Variants in NEK1 observed in about 807,000 individuals in gnomAD.
NEK1 encodes NIMA related kinase 1.
Under a neutral mutation model 182.1 loss-of-function variants are expected in NEK1, and 137 were observed. The observed-to-expected ratio is 0.75, with a 90% CI of 0.65 to 0.87. The LOEUF is 0.87. Ranked by LOEUF, NEK1 falls within the 40% of genes least tolerant of loss-of-function variation. The pLI is 0.00. For missense variants in NEK1, 1,391 were observed against 1,494.4 expected, an observed-to-expected ratio of 0.93 and a Z score of 1.14; for synonymous variants, 513 against 492.2, an observed-to-expected ratio of 1.04 and a Z score of -0.56.
intron 23 of NEK1, among the ~76,000 whole-genome samples, chr4:169,491,393 C>T (rs1297703920): frequency 1.3e-5 from 2 of 151,954 alleles, no homozygotes; most frequent in African/African-American, 2.4e-5. Flanking sequence ...ACAAGGGGCT[C>T]GCCATTAGAC....
At chr4:169,538,782 G>A in intron 18 of NEK1, among the ~76,000 whole-genome samples, 1 of 152,000 alleles carries the variant, frequency 6.6e-6, no homozygotes, top group South Asian at 2.1e-4. Context: ...GACTTTCTTT[G>A]GGACCATAAC....
chr4:169,602,441 A>C (rs1327978422), intron 3 of NEK1, 73 bp downstream of exon 3: 95 of 846,838 alleles, frequency 1.1e-4, no homozygotes, highest in South Asian at 8.9e-4. Context: ...TTTTTTTTTA[A>C]AGAAAATCTC....
chr4:169,587,166 T>C (rs972795191), intron 9 of NEK1, among the ~76,000 whole-genome samples: 7 of 151,976 alleles, frequency 4.6e-5, no homozygotes, highest in African/African-American at 1.4e-4. Flanking sequence ...TCAGTGAGTA[T>C]ATGGAATGAA....
chr4:169,606,117 A>C (rs1771298361), intron 2 of NEK1, among the ~76,000 whole-genome samples: 1 of 151,898 alleles, frequency 6.6e-6, no homozygotes, highest in Admixed American at 6.6e-5. Flanking sequence ...AACACTGTTT[A>C]GAATTGTACT....
intron 19 of NEK1, among the ~76,000 whole-genome samples, chr4:169,531,574 C>T (rs11936957): frequency 0.28 from 42,907 of 151,580 alleles, 8,632 homozygotes; most frequent in African/African-American, 0.58. Context: ...CTTTCTTAAG[C>T]AGATAAGTGA....
intron 12 of NEK1, among the ~76,000 whole-genome samples, chr4:169,570,564 G>GC (rs1764624667): frequency 6.7e-6 from 1 of 149,184 alleles, no homozygotes; most frequent in South Asian, 2.1e-4. Flanking sequence ...GGGGGGGTCA[G>GC]CCCCCCGCCC....
In NEK1 at chr4:169,394,363, C is replaced by A; in HGVS notation, c.*147G>T. On this transcript the variant is annotated 3_prime_UTR_variant, in exon 36 of 36. Coordinates refer to ENST00000507142, the MANE Select transcript of NEK1 (RefSeq NM_001199397.3). Reference sequence around the variant, plus strand: ...ATCTTCACTGAAAAATGGCATGTTTCTCCATCTTTTTCATGCAATAAGAAA... The same window carrying A: ...ATCTTCACTGAAAAATGGCATGTTTATCCATCTTTTTCATGCAATAAGAAA... The A allele has an allele frequency of 7.4e-6, 4 of 538,850 alleles. No individual in the cohort carries two copies. Among genetic ancestry groups the A allele is most frequent in the Non-Finnish European group, 1.0e-5 (3 of 300,424 alleles). 33.4% of individuals were successfully genotyped at this position (538,850 alleles called of 1,614,324 possible).
chr4:169,527,911 T>TA (rs1561352567), intron 19 of NEK1, among the ~76,000 whole-genome samples: 1 of 151,742 alleles, frequency 6.6e-6, no homozygotes, highest in South Asian at 2.1e-4. Context: ...TAAAAACACA[T>TA]AAAAAAACTA....
intron 23 of NEK1, among the ~76,000 whole-genome samples, chr4:169,486,696 A>AT: frequency 6.6e-6 from 1 of 152,264 alleles, no homozygotes; most frequent in Non-Finnish European, 1.5e-5. Flanking sequence ...TAATGCTTTT[A>AT]TAAGAATATC....
At chr4:169,494,346 G>A (rs1750728198) in intron 23 of NEK1, among the ~76,000 whole-genome samples, 1 of 152,112 alleles carries the variant, frequency 6.6e-6, no homozygotes, top group Non-Finnish European at 1.5e-5. Flanking sequence ...AGAACATGCA[G>A]TGTTTGGTTT....
intron 19 of NEK1, 150 bp downstream of exon 19, chr4:169,537,659 A>T: frequency 1.6e-6 from 1 of 634,572 alleles, no homozygotes; most frequent in Non-Finnish European, 2.8e-6. Context: ...ACAATTTTAT[A>T]CTCTGCAAAT....
intron 18 of NEK1, 131 bp from the exon 19 acceptor site, chr4:169,538,042 A>C: frequency 1.7e-6 from 1 of 588,944 alleles, no homozygotes; most frequent in Non-Finnish European, 3.0e-6. Context: ...CTCTGTAATG[A>C]AGAAATCACT....
chr4:169,529,101 T>C (rs772244369), intron 19 of NEK1, among the ~76,000 whole-genome samples: 9 of 152,138 alleles, frequency 5.9e-5, no homozygotes, highest in Non-Finnish European at 8.8e-5. Context: ...ATAGAAAATT[T>C]GTAGAATATG....
chr4:169,401,665 T>G lies in NEK1; in HGVS notation c.3570A>C (p.Glu1190Asp), dbSNP rs1731712506. The change falls in exon 33 of 36, where the codon GAA becomes GAC. Residue 1190 changes from glutamate (E) to aspartate (D), a missense_variant. Coordinates refer to ENST00000507142, the MANE Select transcript of NEK1 (RefSeq NM_001199397.3). ...DNPSSESALN[E>D]EWHSDNSDGE... The stretch of plus-strand genomic sequence containing the variant: ...CTGATCATGCACCTGAGTGCCATTC[T>G]TCGTTCAGGGCACTTTCACTGCTGG... 1 of 1,613,596 alleles carries G rather than the reference T, an allele frequency of 6.2e-7. No individual in the cohort carries two copies. The highest frequency in any genetic ancestry group is 8.5e-7 in the Non-Finnish European group (1 of 1,179,688).
rs529024280 is a variant in NEK1, at chr4:169,507,119, G to C, written c.1925C>G (p.Ala642Gly). 3.1e-5 allele frequency: 49 copies of C among 1,595,092 alleles called. No homozygotes were observed. The Admixed American group carries it at 5.8e-4, about 19-fold the overall frequency. The change falls in exon 23 of 36, where the codon GCA becomes GGA. Residue 642 changes from alanine to glycine, a missense_variant. Coordinates refer to ENST00000507142, the MANE Select transcript of NEK1 (RefSeq NM_001199397.3). The stretch of plus-strand genomic sequence containing the variant: ...TTGTTCTTTTAGTACAGCAGCACGT[G>C]CATTTGCATGGGCCTAAAAATAAAA... ...KIESLKAHAN[A>G]RAAVLKEQLE...
At chr4:169,602,439 T>TTTA in intron 3 of NEK1, 75 bp downstream of exon 3, 1 of 810,204 alleles carries the variant, frequency 1.2e-6, no homozygotes, top group Non-Finnish European at 2.0e-6. Context: ...TTTTTTTTTT[T>TTTA]AAAGAAAATC....
At chr4:169,523,341 A>G (rs1320546999) in intron 19 of NEK1, among the ~76,000 whole-genome samples, 3 of 152,196 alleles carry the variant, frequency 2.0e-5, no homozygotes, top group Non-Finnish European at 4.4e-5. Flanking sequence ...CACAAGTTAA[A>G]ATGAGGTCAT....
intron 2 of NEK1, among the ~76,000 whole-genome samples, chr4:169,609,763 A>T (rs978177477): frequency 2.0e-5 from 3 of 152,192 alleles, no homozygotes; most frequent in Admixed American, 2.0e-4. Context: ...TGAACCATAC[A>T]AATGTATTAT....
intron 12 of NEK1, among the ~76,000 whole-genome samples, chr4:169,571,566 A>C (rs1028935224): frequency 4.6e-5 from 7 of 152,246 alleles, no homozygotes; most frequent in African/African-American, 1.7e-4. Flanking sequence ...CTCAAAGAAA[A>C]GACAGCAGCA....
Sources: gnomAD v4.1 joint callset for allele counts (sites outside exome capture counted in the v4.1 genomes callset) on GRCh38, gnomAD v4.1.1 for gene constraint, MANE v1.5 for transcripts, NCBI Gene and HGNC (gene_info 2026-07-23, HGNC 2026-07-21) for gene names.